Variants in ZNF793 observed in about 807,000 individuals in gnomAD.
The protein encoded by ZNF793 is zinc finger protein 793.
ZNF793 carries 5 observed loss-of-function variants against 12.4 expected under a neutral mutation model. That is an observed-to-expected ratio of 0.40 (90% CI 0.21 to 0.84). The LOEUF is 0.84. Among genes scored for constraint, ZNF793 ranks in the 40% least tolerant of loss-of-function variants. The probability of loss-of-function intolerance (pLI) is 0.35; values close to 1 mark genes in which losing one functional copy is unlikely to be tolerated. For missense variants in ZNF793, 456 were observed against 495.0 expected (o/e 0.92, Z 0.75); for synonymous variants, 162 against 172.4 (o/e 0.94, Z 0.47).
chr19:37,537,690 T>C lies in ZNF793; in HGVS notation c.1032T>C (p.Cys344=). 1.2e-6 allele frequency: 2 copies of C among 1,613,610 alleles called. No homozygotes were observed. Among genetic ancestry groups the C allele is most frequent in the Non-Finnish European group, 1.7e-6 (2 of 1,179,680 alleles). ...TGERPYRCRE[C]GKSFSQKSCL... is the part of the protein sequence containing the mutation. ...AAAGACCGTATCGTTGCAGAGAATGTGGAAAATCCTTCAGCCAGAAGTCAT... is the reference window on the plus strand; with the variant it reads ...AAAGACCGTATCGTTGCAGAGAATGCGGAAAATCCTTCAGCCAGAAGTCAT... Residue 344 remains cysteine (C), a synonymous_variant, in exon 8 of 8, where the codon TGT becomes TGC. Coordinates refer to ENST00000627814, the MANE Select transcript of ZNF793 (RefSeq NM_001013659.3).
At chr19:37,530,469 G>A (rs1028693511) in intron 5 of ZNF793, among the ~76,000 whole-genome samples, 5 of 152,238 alleles carry the variant, frequency 3.3e-5, no homozygotes, top group Middle Eastern at 3.4e-3. Flanking sequence ...AGGTCCCTGC[G>A]GCCTTCTGTA....
intron 7 of ZNF793, chr19:37,535,563 C>T (rs1473378184): frequency 1.3e-5 from 2 of 151,802 alleles, no homozygotes; most frequent in Middle Eastern, 3.4e-3. Context: ...TTCACTCTGT[C>T]GCCCAGGCCG....
At chr19:37,533,433 A>C (rs751475546) in intron 7 of ZNF793, 30 bp downstream of exon 7, 222 of 1,591,442 alleles carry the variant, frequency 1.4e-4, no homozygotes, top group Non-Finnish European at 1.8e-4. Context: ...CAAAAGGGGT[A>C]CTGAAGGAGG....
intron 1 of ZNF793, among the ~76,000 whole-genome samples, chr19:37,507,598 T>A (rs1368183995): frequency 1.3e-5 from 2 of 152,156 alleles, no homozygotes; most frequent in Non-Finnish European, 2.9e-5. Context: ...ATTGGACTTT[T>A]GTAGATCAGG....
chr19:37,532,054 C>T (rs1367524480), intron 5 of ZNF793, among the ~76,000 whole-genome samples: 1 of 149,932 alleles, frequency 6.7e-6, no homozygotes, highest in African/African-American at 2.5e-5. Context: ...CCTGCTCTAG[C>T]CCAGGCTGGA....
chr19:37,533,207 C>G (rs1359276874), intron 6 of ZNF793, 101 bp from the exon 7 acceptor site: 5 of 954,896 alleles, frequency 5.2e-6, no homozygotes, highest in Non-Finnish European at 8.2e-6. Flanking sequence ...GTTTAGTCCC[C>G]TCCCAAGTAT....
intron 5 of ZNF793, among the ~76,000 whole-genome samples, chr19:37,524,969 A>G (rs887877699): frequency 1.3e-5 from 2 of 152,198 alleles, no homozygotes; most frequent in African/African-American, 4.8e-5. Flanking sequence ...CAGGTGACCA[A>G]AACTGCCAAG....
At position 37,540,265 on chromosome 19, in the gene ZNF793, C is replaced by CAAAAAAAA. The variant is rs10686444; in HGVS notation, c.*2398_*2405dup. 2 of 97,422 alleles carry CAAAAAAAA rather than the reference C, an allele frequency of 2.1e-5. No individual in the cohort carries two copies. Among genetic ancestry groups the CAAAAAAAA allele is most frequent in the East Asian group, 2.8e-4 (1 of 3,558 alleles). The allele number at this position is 97,422 out of a possible 1,614,324, so 6.0% of individuals were successfully genotyped here. A position where few individuals can be genotyped will look rare whatever the true frequency, so the allele number is the denominator to read the frequency against. ...CTGGGTGACAAGAGCGAAACTCCGT[C>CAAAAAAAA]AAAAAAAAAAAAAAAAAAAGAAAAC... On this transcript the variant is annotated 3_prime_UTR_variant, in exon 8 of 8. Transcript: ENST00000627814.
intron 5 of ZNF793, among the ~76,000 whole-genome samples, chr19:37,525,348 C>T (rs1481224575): frequency 9.9e-5 from 15 of 151,554 alleles, no homozygotes; most frequent in Non-Finnish European, 4.4e-5. Context: ...CCGTGTTAGC[C>T]AGGATGGTCT....
intron 5 of ZNF793, among the ~76,000 whole-genome samples, chr19:37,525,967 ACTTCTCCTTTCCCTGAGTTTCTCATT>A (rs2042412897): frequency 6.6e-6 from 1 of 151,898 alleles, no homozygotes; most frequent in African/African-American, 2.4e-5. Flanking sequence ...TCCTGAGAAG[ACTTCTCCTTTCCCTGAGTTTCTCATT>A]CCTGCCTCCT....
chr19:37,507,684 G>T (rs1485354067), intron 1 of ZNF793, among the ~76,000 whole-genome samples: 2 of 152,196 alleles, frequency 1.3e-5, no homozygotes, highest in Non-Finnish European at 2.9e-5. Flanking sequence ...ACTGTCACTT[G>T]TGGGTGGGAG....
intron 2 of ZNF793, among the ~76,000 whole-genome samples, chr19:37,518,776 C>A (rs1307273558): frequency 7.2e-6 from 1 of 138,506 alleles, no homozygotes; most frequent in Non-Finnish European, 1.5e-5. Context: ...TCCAGCCTAT[C>A]TCAAATAAAG....
At position 37,541,945 on chromosome 19, in the gene ZNF793, T is replaced by A. The variant is rs1247503286; in HGVS notation, c.*4066T>A. On this transcript the variant is annotated 3_prime_UTR_variant, in exon 8 of 8. Transcript: ENST00000627814. The stretch of plus-strand genomic sequence containing the variant: ...CAATGGACCTGTCCAAAAATGTTTA[T>A]CCTCAGTAGTCACTGGGGGATGCAG... 2 of 152,264 alleles carry A rather than the reference T, an allele frequency of 1.3e-5. No individual in the cohort carries two copies. The highest frequency in any genetic ancestry group is 2.9e-5 in the Non-Finnish European group (2 of 68,084). 9.4% of individuals were successfully genotyped at this position (152,264 alleles called of 1,614,324 possible).
intron 2 of ZNF793, among the ~76,000 whole-genome samples, chr19:37,516,590 C>T (rs1438026755): frequency 6.6e-6 from 1 of 152,058 alleles, no homozygotes; most frequent in Non-Finnish European, 1.5e-5. Flanking sequence ...CAGATGGCTG[C>T]CATGCTGCTA....
At chr19:37,521,331 C>T (rs2042373767) in intron 3 of ZNF793, among the ~76,000 whole-genome samples, 1 of 151,292 alleles carries the variant, frequency 6.6e-6, no homozygotes, top group Admixed American at 6.6e-5. Flanking sequence ...CCATGTTGAC[C>T]AGGCTGGTCT....
chr19:37,532,601 A>G, intron 6 of ZNF793, 119 bp downstream of exon 6: 1 of 1,163,822 alleles, frequency 8.6e-7, no homozygotes, highest in Non-Finnish European at 1.2e-6. Flanking sequence ...ACCTGAGGTC[A>G]GGAGTTTGAA....
Position 37,538,112 on chromosome 19 carries a change from T to C in ZNF793, c.*233T>C, listed in dbSNP as rs2042524352. ...TTGTATTTTTAGTAGAGACGGGGTT[T>C]CACCGTGTTAGCCAGGATGGTCTCG... is the stretch of plus-strand genomic sequence containing the variant. On this transcript the variant is annotated 3_prime_UTR_variant, in exon 8 of 8. Coordinates refer to ENST00000627814, the MANE Select transcript of ZNF793 (RefSeq NM_001013659.3). 2.3e-6 allele frequency: 1 copy of C among 429,576 alleles called. No individual in the cohort carries two copies. Among genetic ancestry groups the C allele is most frequent in the African/African-American group, 2.0e-5 (1 of 49,776 alleles). The allele number at this position is 429,576 out of a possible 1,614,324, so 26.6% of individuals were successfully genotyped here. A position where few individuals can be genotyped will look rare whatever the true frequency, so the allele number is the denominator to read the frequency against.
intron 3 of ZNF793, among the ~76,000 whole-genome samples, chr19:37,521,520 C>G (rs540967308): frequency 6.7e-6 from 1 of 149,920 alleles, no homozygotes; most frequent in African/African-American, 2.5e-5. Context: ...ACTGCAGCCT[C>G]CACCTCCCAG....
chr19:37,521,645 G>C (rs2042377177), intron 3 of ZNF793, among the ~76,000 whole-genome samples: 1 of 151,548 alleles, frequency 6.6e-6, no homozygotes, highest in Admixed American at 6.6e-5. Flanking sequence ...GTTTCACTAT[G>C]TTGGTCAGGC....
Sources: allele counts gnomAD v4.1 joint callset (sites outside exome capture counted in the v4.1 genomes callset), GRCh38; gene constraint gnomAD v4.1.1; transcripts MANE v1.5; gene names NCBI Gene and HGNC (gene_info 2026-07-23, HGNC 2026-07-21).